Variants in SLC9A9 observed in about 807,000 individuals in gnomAD.
SLC9A9 encodes sodium/hydrogen exchanger 9.
A neutral mutation model predicts 77.8 loss-of-function variants in SLC9A9; 62 were observed. The ratio of observed to expected loss-of-function variants is 0.80; its 90% CI spans 0.65 to 0.98. The LOEUF is 0.98. Among genes scored for constraint, SLC9A9 ranks in the 50% least tolerant of loss-of-function variants. The pLI is 0.00. For synonymous variants in SLC9A9, 320 were observed against 283.5 expected (o/e 1.13, Z -1.29); for missense variants, 775 against 774.9 (o/e 1.00, Z 0.00).
chr3:143,307,618 C>T (rs1000341553), intron 14 of SLC9A9, among the ~76,000 whole-genome samples: 4 of 152,288 alleles, frequency 2.6e-5, no homozygotes, highest in South Asian at 2.1e-4. Context: ...AGCCTGGCTT[C>T]GGTCTCTGAA....
chr3:143,427,044 CA>C (rs1358097419), intron 12 of SLC9A9, among the ~76,000 whole-genome samples: 2 of 152,170 alleles, frequency 1.3e-5, no homozygotes, highest in African/African-American at 4.8e-5. Flanking sequence ...AAGGCCCAAT[CA>C]ATGTTTGTTT....
At chr3:143,436,068 C>A (rs1206057400) in intron 12 of SLC9A9, among the ~76,000 whole-genome samples, 1 of 152,210 alleles carries the variant, frequency 6.6e-6, no homozygotes, top group African/African-American at 2.4e-5. Context: ...TCAGATCAGG[C>A]CTTTCCTTCT....
chr3:143,816,935 G>T (rs1276044476), intron 2 of SLC9A9, among the ~76,000 whole-genome samples: 1 of 151,748 alleles, frequency 6.6e-6, no homozygotes, highest in Non-Finnish European at 1.5e-5. Context: ...TGGCCTTTGT[G>T]GTATCTCTTT....
At chr3:143,567,300 A>G (rs1486134391) in intron 8 of SLC9A9, among the ~76,000 whole-genome samples, 1 of 152,170 alleles carries the variant, frequency 6.6e-6, no homozygotes, top group Non-Finnish European at 1.5e-5. Flanking sequence ...CTGAAGATCC[A>G]GAAGCCAGAG....
At chr3:143,764,964 C>CTCTT (rs1167739302) in intron 4 of SLC9A9, among the ~76,000 whole-genome samples, 2 of 129,814 alleles carry the variant, frequency 1.5e-5, no homozygotes, top group African/African-American at 6.9e-5. Context: ...CTTTTTGTTT[C>CTCTT]TCTTTCTTTC....
At chr3:143,606,536 T>TA (rs1194996007) in intron 6 of SLC9A9, among the ~76,000 whole-genome samples, 1 of 148,140 alleles carries the variant, frequency 6.8e-6, no homozygotes, top group Non-Finnish European at 1.5e-5. Context: ...TGTAAAAAGA[T>TA]AGAAACAGAA....
chr3:143,822,865 T>C (rs2009202137), intron 2 of SLC9A9, among the ~76,000 whole-genome samples: 1 of 152,212 alleles, frequency 6.6e-6, no homozygotes, highest in African/African-American at 2.4e-5. Flanking sequence ...TTTCTCTCCC[T>C]CTCTCCCTGC....
In SLC9A9 at chr3:143,266,582, C is replaced by T. The variant is rs751275435; in HGVS notation, c.*120G>A. On this transcript the variant is annotated 3_prime_UTR_variant, in exon 16 of 16. Coordinates refer to ENST00000316549, the MANE Select transcript of SLC9A9 (RefSeq NM_173653.4). ...ATCCATGTGACAAGGCTTTGATTCT[C>T]TCCAATTTATGCTCTTAATATGTTT... is the stretch of plus-strand genomic sequence containing the variant. 1.3e-4 allele frequency: 128 copies of T among 983,136 alleles called. No homozygotes were observed. Among genetic ancestry groups the T allele is most frequent in the Non-Finnish European group, 1.9e-4 (118 of 632,040 alleles). The allele number at this position is 983,136 out of a possible 1,614,324, so 60.9% of individuals were successfully genotyped here. A position where few individuals can be genotyped will look rare whatever the true frequency, so the allele number is the denominator to read the frequency against.
At chr3:143,669,574 T>G (rs16854015) in intron 5 of SLC9A9, among the ~76,000 whole-genome samples, 3,919 of 152,296 alleles carry the variant, frequency 0.026, 145 homozygotes, top group African/African-American at 0.089. Flanking sequence ...TCCAATTCTG[T>G]TCTGGAGGTG....
At chr3:143,745,614 G>A (rs541399118) in intron 4 of SLC9A9, among the ~76,000 whole-genome samples, 6 of 152,184 alleles carry the variant, frequency 3.9e-5, no homozygotes, top group African/African-American at 1.4e-4. Context: ...AGAACATTAG[G>A]GCCGCTGTGT....
intron 13 of SLC9A9, among the ~76,000 whole-genome samples, chr3:143,380,179 T>C (rs946629260): frequency 2.0e-5 from 3 of 152,226 alleles, no homozygotes; most frequent in African/African-American, 7.2e-5. Context: ...ATTTCTCTAA[T>C]AAAAAAGTAA....
chr3:143,297,997 C>CA (rs2030354544), intron 14 of SLC9A9, among the ~76,000 whole-genome samples: 1 of 152,078 alleles, frequency 6.6e-6, no homozygotes, highest in South Asian at 2.1e-4. Flanking sequence ...TAACCTCAAA[C>CA]AAGAGGGAAA....
At chr3:143,494,042 A>G (rs1021882915) in intron 10 of SLC9A9, among the ~76,000 whole-genome samples, 3 of 152,218 alleles carry the variant, frequency 2.0e-5, no homozygotes, top group South Asian at 4.1e-4. Context: ...AATCACATTT[A>G]TATTGCTGAT....
Position 143,782,274 on chromosome 3 carries a change from T to A in SLC9A9, c.533+12727A>T, listed in dbSNP as rs180701736. Among the ~76,000 whole-genome samples, 12 of 152,328 alleles carry A rather than the reference T, an allele frequency of 7.9e-5. No individual in the cohort carries two copies. The East Asian group carries it at 2.3e-3, about 29-fold the overall frequency. ...ACTAAATCCTAAGTAAGGTATTAAA[T>A]CTCTCTACTAGGTTGGGAGTGCAGG... On this transcript the variant is annotated intron_variant, in intron 4 of 15. Transcript: ENST00000316549.
intron 9 of SLC9A9, among the ~76,000 whole-genome samples, chr3:143,549,318 G>T (rs1471253963): frequency 6.6e-6 from 1 of 152,142 alleles, no homozygotes; most frequent in Admixed American, 6.5e-5. Context: ...TACAGTATGG[G>T]ATGTGCATGT....
chr3:143,790,738 A>G (rs2008193544), intron 4 of SLC9A9, among the ~76,000 whole-genome samples: 1 of 152,228 alleles, frequency 6.6e-6, no homozygotes, highest in Non-Finnish European at 1.5e-5. Flanking sequence ...AAATGAGATA[A>G]TACATGTAAA....
At chr3:143,812,385 A>G (rs1438620911) in intron 2 of SLC9A9, among the ~76,000 whole-genome samples, 1 of 152,260 alleles carries the variant, frequency 6.6e-6, no homozygotes, top group Non-Finnish European at 1.5e-5. Flanking sequence ...AAATTATGAT[A>G]TAATTCATAA....
intron 4 of SLC9A9, among the ~76,000 whole-genome samples, chr3:143,715,108 C>T (rs1934302211): frequency 6.6e-6 from 1 of 152,208 alleles, no homozygotes. Flanking sequence ...AACTGCAAGT[C>T]CATTAAACCT....
intron 13 of SLC9A9, among the ~76,000 whole-genome samples, chr3:143,373,596 C>A (rs2033106244): frequency 3.8e-5 from 3 of 78,396 alleles, no homozygotes; most frequent in Non-Finnish European, 7.4e-5. Context: ...CCCAAAGCCA[C>A]TGAAATAGTA....
Sources: gnomAD v4.1 joint callset for allele counts (sites outside exome capture counted in the v4.1 genomes callset) on GRCh38, gnomAD v4.1.1 for gene constraint, MANE v1.5 for transcripts, NCBI Gene and HGNC (gene_info 2026-07-23, HGNC 2026-07-21) for gene names.